The following SLC47A2 variants were observed in gnomAD, a reference collection of about 807,000 sequenced individuals.
SLC47A2 encodes the protein multidrug and toxin extrusion protein 2.
Under a neutral mutation model 67.7 loss-of-function variants are expected in SLC47A2, and 52 were observed. The ratio of observed to expected loss-of-function variants is 0.77; its 90% CI spans 0.61 to 0.97. The LOEUF (loss-of-function observed/expected upper bound fraction) is 0.97. Among genes scored for constraint, SLC47A2 ranks in the 50% least tolerant of loss-of-function variants. SLC47A2 has a pLI of 0.00. For synonymous variants in SLC47A2, 278 were observed against 292.9 expected (o/e 0.95, Z 0.52); for missense variants, 676 against 712.3 (o/e 0.95, Z 0.58).
chr17:19,702,370 T>C, intron 13 of SLC47A2: 1 of 985,434 alleles, frequency 1.0e-6, no homozygotes, highest in Non-Finnish European at 1.2e-6. Flanking sequence ...ATTTTTCAGT[T>C]CTTTGCTAAT....
intron 9 of SLC47A2, among the ~76,000 whole-genome samples, chr17:19,705,895 G>A (rs1044628184): frequency 3.3e-5 from 5 of 152,212 alleles, no homozygotes; most frequent in South Asian, 2.1e-4. Flanking sequence ...CACTGAGCCC[G>A]GCTGATTTTG....
chr17:19,700,046 A>G (rs1028598182), intron 13 of SLC47A2, among the ~76,000 whole-genome samples: 1 of 152,204 alleles, frequency 6.6e-6, no homozygotes. Context: ...ATAAGACCCT[A>G]CTTATATGAA....
At position 19,686,934 on chromosome 17, in the gene SLC47A2, G is replaced by T. The variant is rs145975133; in HGVS notation, c.1165-5264C>A. ...GAAACATTGGACTTAATCTGCCCTA[G>T]AGACTAAATAGACCTAATAGATATT... On this transcript the variant is annotated intron_variant, in intron 13 of 16. Coordinates refer to ENST00000433844, the MANE Select transcript of SLC47A2 (RefSeq NM_001099646.3). Among the ~76,000 whole-genome samples, 812 of 152,268 alleles carry T rather than the reference G, an allele frequency of 5.3e-3. 2 individuals are homozygous for T. Among genetic ancestry groups the T allele is most frequent in the African/African-American group, 0.018 (767 of 41,560 alleles).
At chr17:19,711,668 T>C (rs2086104603) in intron 5 of SLC47A2, among the ~76,000 whole-genome samples, 1 of 151,646 alleles carries the variant, frequency 6.6e-6, no homozygotes, top group African/African-American at 2.4e-5. Context: ...GAAGAAATCT[T>C]TTAATAATAA....
intron 13 of SLC47A2, among the ~76,000 whole-genome samples, chr17:19,688,396 G>A (rs2085471714): frequency 9.8e-6 from 1 of 101,802 alleles, no homozygotes; most frequent in Non-Finnish European, 2.1e-5. Flanking sequence ...CAGACCCACA[G>A]CTAGTATCAT....
chr17:19,679,002 G>A (rs1306118115), intron 16 of SLC47A2, 96 bp from the exon 17 acceptor site: 1 of 990,478 alleles, frequency 1.0e-6, no homozygotes, highest in Non-Finnish European at 1.6e-6. Context: ...ACCTGGCTGT[G>A]TTTGTTACAC....
intron 13 of SLC47A2, among the ~76,000 whole-genome samples, chr17:19,692,992 G>A (rs2085576779): frequency 6.6e-6 from 1 of 152,042 alleles, no homozygotes; most frequent in Non-Finnish European, 1.5e-5. Flanking sequence ...TTAGCCAGGT[G>A]TGGTGGTGCG....
chr17:19,685,105 T>C lies in SLC47A2; in HGVS notation c.1165-3435A>G, dbSNP rs1320224461. Among the ~76,000 whole-genome samples, 2 of 152,178 alleles carry C rather than the reference T, an allele frequency of 1.3e-5. No individual in the cohort carries two copies. The highest frequency in any genetic ancestry group is 2.9e-5 in the Non-Finnish European group (2 of 68,030). ...GGGTGAAGTGCCCGCCTCGGCCTCC[T>C]GAGGTGCTGGGATTGCAGACGGAGT... On this transcript the variant is annotated intron_variant, in intron 13 of 16. Coordinates refer to ENST00000433844, the MANE Select transcript of SLC47A2 (RefSeq NM_001099646.3). This position sits in a 1 kb window ranked among gnomAD's most constrained non-coding sequence, Gnocchi z 4.5.
At chr17:19,714,592 C>G in intron 3 of SLC47A2, 129 bp downstream of exon 3, 4 of 1,021,946 alleles carry the variant, frequency 3.9e-6, no homozygotes, top group Non-Finnish European at 6.1e-6. Flanking sequence ...AGGGCAGGGG[C>G]AGCTGACCCC....
At chr17:19,696,826 G>T (rs909370324) in intron 13 of SLC47A2, among the ~76,000 whole-genome samples, 1 of 152,180 alleles carries the variant, frequency 6.6e-6, no homozygotes, top group African/African-American at 2.4e-5. Flanking sequence ...TTTGGCTCAC[G>T]GTTCTGGAGG....
chr17:19,689,877 A>G (rs1025477514), intron 13 of SLC47A2, among the ~76,000 whole-genome samples: 4 of 152,176 alleles, frequency 2.6e-5, no homozygotes, highest in African/African-American at 9.7e-5. Flanking sequence ...TGTAATCCCT[A>G]TTAAGATACC....
At chr17:19,690,069 A>G (rs1486554443) in intron 13 of SLC47A2, among the ~76,000 whole-genome samples, 1 of 152,206 alleles carries the variant, frequency 6.6e-6, no homozygotes, top group Admixed American at 6.5e-5. Context: ...GCATAAAAAT[A>G]GACACACAGA....
At chr17:19,701,558 AATGT>A (rs1392749110) in intron 13 of SLC47A2, among the ~76,000 whole-genome samples, 2 of 152,182 alleles carry the variant, frequency 1.3e-5, no homozygotes, top group African/African-American at 4.8e-5. Flanking sequence ...GAGCTATGGG[AATGT>A]ATGCAAGGGG....
At chr17:19,691,378 A>C (rs1396694209) in intron 13 of SLC47A2, among the ~76,000 whole-genome samples, 2 of 152,238 alleles carry the variant, frequency 1.3e-5, no homozygotes, top group African/African-American at 2.4e-5. Flanking sequence ...ATGGATGAAG[A>C]AAATGTGGCA....
chr17:19,701,574 G>A (rs1166270121), intron 13 of SLC47A2, among the ~76,000 whole-genome samples: 2 of 152,250 alleles, frequency 1.3e-5, no homozygotes, highest in Non-Finnish European at 2.9e-5. Context: ...TGCAAGGGGT[G>A]TGTTCCTGAA....
Position 19,702,643 on chromosome 17 carries a change from G to A in SLC47A2, c.1126C>T (p.Pro376Ser), listed in dbSNP as rs761308671. 1.4e-5 allele frequency: 22 copies of A among 1,613,866 alleles called. No individual in the cohort carries two copies. The highest frequency in any genetic ancestry group is 3.3e-4 in the Middle Eastern group (2 of 6,084). ...DVIALVSQVL[P>S]VYSVFHVFEA... Reference sequence around the variant, plus strand: ...AACACGTGAAAGACACTATAAACCGGCAAGACCTGGCTCACCAGGGCAATG... The same window carrying A: ...AACACGTGAAAGACACTATAAACCGACAAGACCTGGCTCACCAGGGCAATG... The change falls in exon 13 of 17, where the codon CCG becomes TCG. Residue 376 changes from proline to serine, a missense_variant. Transcript: ENST00000433844.
chr17:19,703,341 G>T (rs1297846844), intron 11 of SLC47A2, among the ~76,000 whole-genome samples, 174 bp from the exon 12 acceptor site: 1 of 152,250 alleles, frequency 6.6e-6, no homozygotes, highest in Non-Finnish European at 1.5e-5. Flanking sequence ...ATTTGGGCTA[G>T]ACAGTCTTGT....
intron 1 of SLC47A2, among the ~76,000 whole-genome samples, chr17:19,715,466 C>T (rs561532865): frequency 2.1e-5 from 3 of 145,764 alleles, no homozygotes; most frequent in African/African-American, 7.5e-5. Flanking sequence ...CAGTGCCTGG[C>T]GCCCTGAGCT....
At position 19,685,875 on chromosome 17, in the gene SLC47A2, A is replaced by G. The variant is rs1364982617; in HGVS notation, c.1165-4205T>C. ...AGATATAAATAGAAACAACAAAGTT[A>G]AGAAACAGCAGGGGATGAAGTTAAA... On this transcript the variant is annotated intron_variant, in intron 13 of 16. Transcript: ENST00000433844. This position sits in a 1 kb window ranked among gnomAD's most constrained non-coding sequence, Gnocchi z 4.5. Among the ~76,000 whole-genome samples, 1 of 152,258 alleles carries G rather than the reference A, an allele frequency of 6.6e-6. No individual in the cohort carries two copies. The highest frequency in any genetic ancestry group is 1.5e-5 in the Non-Finnish European group (1 of 68,038).
Sources: gnomAD v4.1 joint callset for allele counts (sites outside exome capture counted in the v4.1 genomes callset) on GRCh38, gnomAD v4.1.1 for gene constraint, Gnocchi (gnomAD v3.1) non-coding constraint, MANE v1.5 for transcripts, NCBI Gene and HGNC (gene_info 2026-07-23, HGNC 2026-07-21) for gene names.